SLCO3A1: variants seen among roughly 807,000 people sequenced by gnomAD.
SLCO3A1 encodes solute carrier organic anion transporter family member 3A1, also known as PGE1 transporter.
In SLCO3A1, 27 loss-of-function variants were observed where a neutral mutation model predicts 63.1. The ratio of observed to expected loss-of-function variants is 0.43; its 90% CI spans 0.32 to 0.59. The LOEUF (loss-of-function observed/expected upper bound fraction) is 0.59. SLCO3A1 is among the 20% of genes least tolerant of loss of function. The pLI is 0.09. For missense variants in SLCO3A1, 773 were observed against 945.8 expected, an observed-to-expected ratio of 0.82 and a Z score of 2.40; for synonymous variants, 473 against 409.9, an observed-to-expected ratio of 1.15 and a Z score of -1.86.
intron 2 of SLCO3A1, among the ~76,000 whole-genome samples, chr15:91,982,020 G>T (rs1323997397): frequency 6.6e-6 from 1 of 152,262 alleles, no homozygotes; most frequent in African/African-American, 2.4e-5. Flanking sequence ...ATCATTGCAG[G>T]AGAGGGGCGT....
At chr15:92,002,004 G>A (rs189658102) in intron 2 of SLCO3A1, among the ~76,000 whole-genome samples, 2 of 152,038 alleles carry the variant, frequency 1.3e-5, no homozygotes, top group South Asian at 2.1e-4. Flanking sequence ...GATCATTAGA[G>A]CCTCCTCTTT....
chr15:92,150,173 C>T (rs1437807459), intron 8 of SLCO3A1, among the ~76,000 whole-genome samples: 5 of 152,102 alleles, frequency 3.3e-5, no homozygotes, highest in East Asian at 1.9e-4. Context: ...CAGAAGGGGT[C>T]CAGCAAGGGA....
chr15:91,948,205 GCCGA>G lies in SLCO3A1; in HGVS notation c.646+31750_646+31753del, dbSNP rs1899876097. ...TTTCAGTGCCATGCGGCTAATGAAT[GCCGA>G]CCTCCGGGAAGCTTTTTCCACTCCT... On this transcript the variant is annotated intron_variant, in intron 2 of 9. Coordinates refer to ENST00000318445, the MANE Select transcript of SLCO3A1 (RefSeq NM_013272.4). This position sits in a 1 kb window ranked among gnomAD's most constrained non-coding sequence, Gnocchi z 4.8. Among the ~76,000 whole-genome samples, 1 of 152,174 alleles carries G rather than the reference GCCGA, an allele frequency of 6.6e-6. No individual in the cohort carries two copies. The highest frequency in any genetic ancestry group is 1.5e-5 in the Non-Finnish European group (1 of 68,038).
At position 92,071,109 on chromosome 15, in the gene SLCO3A1, T is replaced by A. The variant is rs2047210504; in HGVS notation, c.647-23772T>A. Among the ~76,000 whole-genome samples, 3 of 152,254 alleles carry A rather than the reference T, an allele frequency of 2.0e-5. No individual in the cohort carries two copies. The South Asian group carries it at 6.2e-4, about 32-fold the overall frequency. ...CTGGGAATTTGTTAAGTACAACCAC[T>A]GAAAGAAGCAGGACTCTCCCTGGCT... On this transcript the variant is annotated intron_variant, in intron 2 of 9. Coordinates refer to ENST00000318445, the MANE Select transcript of SLCO3A1 (RefSeq NM_013272.4).
chr15:92,082,956 A>G (rs1241059133), intron 2 of SLCO3A1, among the ~76,000 whole-genome samples: 1 of 152,230 alleles, frequency 6.6e-6, no homozygotes, highest in Non-Finnish European at 1.5e-5. Context: ...CTACAAAAAG[A>G]GTCTCATAAA....
intron 9 of SLCO3A1, among the ~76,000 whole-genome samples, chr15:92,158,102 CCTCAGGTGTCCAGCG>C (rs886921134): frequency 4.6e-5 from 7 of 152,312 alleles, no homozygotes; most frequent in African/African-American, 1.7e-4. Flanking sequence ...GCTATTACTG[CCTCAGGTGTCCAGCG>C]AAATACTGAG....
intron 3 of SLCO3A1, among the ~76,000 whole-genome samples, chr15:92,104,045 T>C (rs1378101695): frequency 6.6e-6 from 1 of 152,190 alleles, no homozygotes; most frequent in East Asian, 1.9e-4. Flanking sequence ...TAGACCGATA[T>C]AAACACAGGG....
intron 2 of SLCO3A1, among the ~76,000 whole-genome samples, chr15:92,071,962 T>G (rs968146797): frequency 6.6e-6 from 1 of 152,226 alleles, no homozygotes; most frequent in Non-Finnish European, 1.5e-5. Context: ...AGGGTCCTTT[T>G]TTCAGCTGTC....
Position 91,897,791 on chromosome 15 carries a change from TTCTC to T in SLCO3A1, c.181-18198_181-18195del, listed in dbSNP as rs1262271592. On this transcript the variant is annotated intron_variant, in intron 1 of 9. Coordinates refer to ENST00000318445, the MANE Select transcript of SLCO3A1 (RefSeq NM_013272.4). This position sits in a 1 kb window ranked among gnomAD's most constrained non-coding sequence, Gnocchi z 4.7. The stretch of plus-strand genomic sequence containing the variant: ...TTAAGGGCAGTGTTGGAACAGACTG[TTCTC>T]TCTATTTTCTGACCTGCTCAGGCAT... Among the ~76,000 whole-genome samples the T allele has an allele frequency of 3.3e-5, 5 of 152,142 alleles. No homozygotes were observed. Among genetic ancestry groups the T allele is most frequent in the Non-Finnish European group, 7.4e-5 (5 of 68,022 alleles).
Position 92,164,700 on chromosome 15 carries a change from C to T in SLCO3A1, c.*1565C>T. The stretch of plus-strand genomic sequence containing the variant: ...TGTCTGTGACATTTTCAGTGTTAGT[C>T]TTGAACTAAGGCCCTTGTCTGTGTG... On this transcript the variant is annotated 3_prime_UTR_variant, in exon 10 of 10. Coordinates refer to ENST00000318445, the MANE Select transcript of SLCO3A1 (RefSeq NM_013272.4). The T allele has an allele frequency of 1.0e-6, 1 of 985,400 alleles. No individual in the cohort carries two copies. Among genetic ancestry groups the T allele is most frequent in the Non-Finnish European group, 1.2e-6 (1 of 829,916 alleles). 61.0% of individuals were successfully genotyped at this position (985,400 alleles called of 1,614,324 possible). A position where few individuals can be genotyped will look rare whatever the true frequency, so the allele number is the denominator to read the frequency against.
At position 92,164,697 on chromosome 15, in the gene SLCO3A1, A is replaced by G; in HGVS notation, c.*1562A>G. ...AAATGTCTGTGACATTTTCAGTGTTAGTCTTGAACTAAGGCCCTTGTCTGT... is the reference window on the plus strand; with the variant it reads ...AAATGTCTGTGACATTTTCAGTGTTGGTCTTGAACTAAGGCCCTTGTCTGT... On this transcript the variant is annotated 3_prime_UTR_variant, in exon 10 of 10. Transcript: ENST00000318445. 1 of 985,358 alleles carries G rather than the reference A, an allele frequency of 1.0e-6. No individual in the cohort carries two copies. The highest frequency in any genetic ancestry group is 1.2e-6 in the Non-Finnish European group (1 of 829,920). The allele number at this position is 985,358 out of a possible 1,614,324, so 61.0% of individuals were successfully genotyped here.
intron 2 of SLCO3A1, among the ~76,000 whole-genome samples, chr15:91,962,154 A>G (rs1417853121): frequency 6.6e-6 from 1 of 152,150 alleles, no homozygotes; most frequent in Non-Finnish European, 1.5e-5. Context: ...GGGAGGTAGC[A>G]TATGAGGCAG....
At chr15:92,119,346 A>G (rs1365659064) in intron 4 of SLCO3A1, among the ~76,000 whole-genome samples, 4 of 152,248 alleles carry the variant, frequency 2.6e-5, no homozygotes, top group African/African-American at 7.2e-5. Flanking sequence ...TAAAGAAAGA[A>G]TGAAGTACAA....
At chr15:92,047,874 G>C (rs1394201401) in intron 2 of SLCO3A1, among the ~76,000 whole-genome samples, 5 of 151,414 alleles carry the variant, frequency 3.3e-5, no homozygotes, top group East Asian at 3.9e-4. Flanking sequence ...ATCCAGGCCT[G>C]AGTCCATCTT....
At chr15:92,045,055 CA>C (rs1047458229) in intron 2 of SLCO3A1, among the ~76,000 whole-genome samples, 1 of 152,036 alleles carries the variant, frequency 6.6e-6, no homozygotes, top group Non-Finnish European at 1.5e-5. Context: ...CTGAGACAGG[CA>C]GATCATGAGG....
chr15:91,917,911 G>T (rs1257313193), intron 2 of SLCO3A1, among the ~76,000 whole-genome samples: 1 of 152,190 alleles, frequency 6.6e-6, no homozygotes, highest in African/African-American at 2.4e-5. Context: ...TTTCTGGTAG[G>T]AATAACAGGA....
chr15:91,998,397 C>T (rs149715294), intron 2 of SLCO3A1, among the ~76,000 whole-genome samples: 2,810 of 151,912 alleles, frequency 0.018, 59 homozygotes, highest in African/African-American at 0.046. Context: ...GAGGTTGCAG[C>T]GTGCCGAGAT....
chr15:92,064,229 C>T lies in SLCO3A1; in HGVS notation c.647-30652C>T, dbSNP rs565444247. 1.2e-3 allele frequency among the ~76,000 whole-genome samples: 189 copies of T among 152,296 alleles called. 2 individuals are homozygous for T. The highest frequency in any genetic ancestry group is 9.5e-3 in the South Asian group (46 of 4,822). On this transcript the variant is annotated intron_variant, in intron 2 of 9. Coordinates refer to ENST00000318445, the MANE Select transcript of SLCO3A1 (RefSeq NM_013272.4). ...TCTCGCCTGCTGAACCTTCCCAGAG[C>T]GTAAGAGGTAGTTGGGAAATGTTTT...
At chr15:91,992,800 C>T (rs2046142858) in intron 2 of SLCO3A1, among the ~76,000 whole-genome samples, 1 of 152,194 alleles carries the variant, frequency 6.6e-6, no homozygotes, top group South Asian at 2.1e-4. Context: ...GGTCCCAACT[C>T]TGGTGAGTTA....
Sources: allele counts gnomAD v4.1 joint callset (sites outside exome capture counted in the v4.1 genomes callset), GRCh38; gene constraint gnomAD v4.1.1; non-coding constraint Gnocchi (gnomAD v3.1); transcripts MANE v1.5; gene names NCBI Gene and HGNC (gene_info 2026-07-23, HGNC 2026-07-21).